Variants in ANXA4 observed in about 807,000 individuals in gnomAD.
ANXA4 encodes 35-beta calcimedin.
A neutral mutation model predicts 49.8 loss-of-function variants in ANXA4; 39 were observed. The ratio of observed to expected loss-of-function variants is 0.78; its 90% confidence interval spans 0.61 to 1.02. The LOEUF is 1.02. Ranked by LOEUF, ANXA4 falls within the 50% of genes least tolerant of loss-of-function variation. The pLI, the probability that ANXA4 is intolerant of heterozygous loss-of-function variation, is 0.00. For synonymous variants in ANXA4, 134 were observed against 152.5 expected (o/e 0.88, Z 0.89); for missense variants, 360 against 410.1 (o/e 0.88, Z 1.05).
chr2:69,703,609 G>C lies in ANXA4; in HGVS notation n.767-17165G>C, dbSNP rs552182587. 2.6e-5 allele frequency among the ~76,000 whole-genome samples: 4 copies of C among 152,312 alleles called. 1 individual carries two copies. The highest frequency in any genetic ancestry group is 2.0e-4 in the Admixed American group (3 of 15,304). ...TCTGGAATTTACTTTGATGAAAGAA[G>C]AGGAGTTATACAGCTTGACTCTTTT... On this transcript the variant is annotated intron_variant and non_coding_transcript_variant, in intron 2 of 3. Coordinates refer to the ANXA4 transcript ENST00000418066.
At chr2:69,759,778 T>C (rs1334689824) in intron 1 of ANXA4, among the ~76,000 whole-genome samples, 1 of 152,192 alleles carries the variant, frequency 6.6e-6, no homozygotes, top group Non-Finnish European at 1.5e-5. Flanking sequence ...GTACATATAT[T>C]ATCTTTAAAA....
At chr2:69,645,999 C>A (rs972376298) in intron 1 of ANXA4, among the ~76,000 whole-genome samples, 1 of 152,148 alleles carries the variant, frequency 6.6e-6, no homozygotes, top group African/African-American at 2.4e-5. Context: ...CCAGTTCTTA[C>A]CTGGCTATAC....
At chr2:69,740,306 T>A (rs1670351072), upstream of ANXA4, among the ~76,000 whole-genome samples, 2 of 152,184 alleles carry the variant, frequency 1.3e-5, no homozygotes, top group Admixed American at 1.3e-4. Context: ...CCCAAAGTGT[T>A]GGGATTACAG....
chr2:69,735,658 A>G (rs1421002261), intron 3 of ANXA4, among the ~76,000 whole-genome samples: 4 of 152,152 alleles, frequency 2.6e-5, no homozygotes, highest in Non-Finnish European at 5.9e-5. Context: ...GTGAGTATTT[A>G]GAGAGGAGAT....
chr2:69,670,696 A>T (rs981794247), intron 2 of ANXA4, among the ~76,000 whole-genome samples: 12 of 152,040 alleles, frequency 7.9e-5, no homozygotes, highest in Non-Finnish European at 1.0e-4. Flanking sequence ...TACGGAAAAA[A>T]TGAAAGTGGA....
intron 3 of ANXA4, among the ~76,000 whole-genome samples, chr2:69,734,773 C>T (rs1670199734): frequency 6.6e-6 from 1 of 152,026 alleles, no homozygotes; most frequent in African/African-American, 2.4e-5. Context: ...GTAATCCCAG[C>T]ACTTTGTTTC....
intron 8 of ANXA4, among the ~76,000 whole-genome samples, chr2:69,814,039 T>C (rs1229509996): frequency 1.3e-5 from 2 of 152,158 alleles, no homozygotes; most frequent in African/African-American, 2.4e-5. Context: ...ATTACAGGCA[T>C]GAGCCACCGC....
At chr2:69,685,623 T>C (rs1386131725) in intron 2 of ANXA4, among the ~76,000 whole-genome samples, 1 of 152,138 alleles carries the variant, frequency 6.6e-6, no homozygotes, top group Non-Finnish European at 1.5e-5. Flanking sequence ...AGAACGAAAA[T>C]TCCTAGGTTG....
chr2:69,739,181 C>T (rs1005300565), upstream of ANXA4, among the ~76,000 whole-genome samples: 7 of 152,136 alleles, frequency 4.6e-5, no homozygotes, highest in Non-Finnish European at 8.8e-5. Flanking sequence ...ACCTACACAC[C>T]CACTTTCAGA....
intron 1 of ANXA4, among the ~76,000 whole-genome samples, chr2:69,756,680 T>C (rs1182669894): frequency 6.6e-6 from 1 of 152,098 alleles, no homozygotes; most frequent in African/African-American, 2.4e-5. Context: ...TGGACAGGTA[T>C]AATTTAAATT....
At chr2:69,685,796 A>G (rs59915978) in intron 2 of ANXA4, among the ~76,000 whole-genome samples, 2,142 of 152,320 alleles carry the variant, frequency 0.014, 51 homozygotes, top group African/African-American at 0.049. Context: ...TTTAGGCTGT[A>G]TCCAGTGGTG....
intron 1 of ANXA4, among the ~76,000 whole-genome samples, chr2:69,753,409 C>T (rs1008042129): frequency 1.5e-4 from 23 of 152,156 alleles, no homozygotes; most frequent in Admixed American, 7.2e-4. Flanking sequence ...CAAGGGTCCT[C>T]ACCGAAAATC....
intron 1 of ANXA4, among the ~76,000 whole-genome samples, chr2:69,649,070 G>C (rs986592821): frequency 6.6e-6 from 1 of 151,794 alleles, no homozygotes; most frequent in Non-Finnish European, 1.5e-5. Context: ...ATTTTTAGTA[G>C]AGATGGGGTT....
At chr2:69,712,808 T>A (rs1678717086) in intron 2 of ANXA4, among the ~76,000 whole-genome samples, 1 of 152,188 alleles carries the variant, frequency 6.6e-6, no homozygotes, top group Non-Finnish European at 1.5e-5. Flanking sequence ...CTTGGACTGT[T>A]GAAGCCTGGG....
intron 1 of ANXA4, among the ~76,000 whole-genome samples, chr2:69,645,781 T>G (rs1490614824): frequency 6.6e-6 from 1 of 152,212 alleles, no homozygotes; most frequent in East Asian, 1.9e-4. Flanking sequence ...CCTCACAGAC[T>G]AATAGCAATT....
chr2:69,744,729 C>G lies in ANXA4; in HGVS notation c.-47+2554C>G, dbSNP rs573131631. 3.3e-5 allele frequency among the ~76,000 whole-genome samples: 5 copies of G among 152,212 alleles called. No homozygotes were observed. The South Asian group carries it at 1.0e-3, about 32-fold the overall frequency. ...CCATATCATAATCCTTGGTCAAGTTCAGACCATTTGTGAACGAAAGCTTAA... is the reference window on the plus strand; with the variant it reads ...CCATATCATAATCCTTGGTCAAGTTGAGACCATTTGTGAACGAAAGCTTAA... On this transcript the variant is annotated intron_variant, in intron 1 of 12. Transcript: ENST00000394295.
chr2:69,671,111 A>T (rs1677167480), intron 2 of ANXA4, among the ~76,000 whole-genome samples: 1 of 152,020 alleles, frequency 6.6e-6, no homozygotes, highest in African/African-American at 2.4e-5. Context: ...CAAATGTTTT[A>T]AATATTTAGA....
chr2:69,714,885 T>C (rs1206662614), intron 2 of ANXA4, among the ~76,000 whole-genome samples: 1 of 152,138 alleles, frequency 6.6e-6, no homozygotes, highest in Non-Finnish European at 1.5e-5. Context: ...GGATACCTCA[T>C]CAGATCTGTT....
rs753141517 is a variant in ANXA4 at position 69,810,713 on chromosome 2, A to G, written c.477+40A>G. On this transcript the variant is annotated intron_variant, in intron 7 of 12. Coordinates refer to ENST00000394295, the MANE Select transcript of ANXA4 (RefSeq NM_001153.5). The stretch of plus-strand genomic sequence containing the variant: ...CTGATGGGGGGCGGGTTTTATCGAA[A>G]TGTCCACTCTATCCCCTTTGCCAGC... 3 of 1,515,364 alleles carry G rather than the reference A, an allele frequency of 2.0e-6. No individual in the cohort carries two copies. In the Admixed American group the frequency reaches 5.0e-5, roughly 25 times the overall value. 93.9% of individuals were successfully genotyped at this position (1,515,364 alleles called of 1,614,324 possible). A position where few individuals can be genotyped will look rare whatever the true frequency, so the allele number is the denominator to read the frequency against.
Sources: gnomAD v4.1 joint callset for allele counts (sites outside exome capture counted in the v4.1 genomes callset) on GRCh38, gnomAD v4.1.1 for gene constraint, MANE v1.5 for transcripts, NCBI Gene and HGNC (gene_info 2026-07-23, HGNC 2026-07-21) for gene names.